Variants in AKAP19 observed in about 807,000 individuals in gnomAD.
AKAP19 encodes A-kinase anchoring protein 19, also known as small A-kinase anchoring protein.
chr2:190,163,865 A>G, the AKAP19 span: 2 of 152,188 alleles, frequency 1.3e-5, no homozygotes, highest in African/African-American at 4.8e-5. Flanking sequence ...ATGTACTCAT[A>G]TGTTTGCATT....
At chr2:190,078,436 G>A in the AKAP19 span, among the ~76,000 whole-genome samples, 1 of 152,028 alleles carries the variant, frequency 6.6e-6, no homozygotes, top group Non-Finnish European at 1.5e-5. Context: ...CAGAAGGGTG[G>A]AAATAAAGCA....
At chr2:190,038,974 C>CTTCTTCTTTT in the AKAP19 span, among the ~76,000 whole-genome samples, 1 of 126,140 alleles carries the variant, frequency 7.9e-6, no homozygotes, top group Non-Finnish European at 1.7e-5. Flanking sequence ...CTTCTTCTTT[C>CTTCTTCTTTT]TTCTTCTTCT....
chr2:190,200,019 G>T, the AKAP19 span: 4 of 1,614,040 alleles, frequency 2.5e-6, no homozygotes, highest in Non-Finnish European at 3.4e-6. Flanking sequence ...AACCTCCAGG[G>T]ACCAATACTG....
chr2:190,028,054 C>T, the AKAP19 span, among the ~76,000 whole-genome samples: 1 of 152,044 alleles, frequency 6.6e-6, no homozygotes, highest in Non-Finnish European at 1.5e-5. Flanking sequence ...ATTATATTCT[C>T]CTGCTCTCTG....
the AKAP19 span, among the ~76,000 whole-genome samples, chr2:189,931,324 G>A: frequency 6.6e-6 from 1 of 151,966 alleles, no homozygotes; most frequent in African/African-American, 2.4e-5. Flanking sequence ...TAATTGTACT[G>A]TGTATAGAAA....
At chr2:190,041,678 A>G in the AKAP19 span, among the ~76,000 whole-genome samples, 1 of 152,052 alleles carries the variant, frequency 6.6e-6, no homozygotes. Context: ...TATTATTTTG[A>G]GGTATGTTCC....
chr2:190,187,292 G>A, the AKAP19 span, among the ~76,000 whole-genome samples: 1 of 151,896 alleles, frequency 6.6e-6, no homozygotes, highest in Admixed American at 6.6e-5. Flanking sequence ...AAAGGCTTAA[G>A]AATATGACAT....
At chr2:190,076,279 C>T in the AKAP19 span, among the ~76,000 whole-genome samples, 1 of 152,108 alleles carries the variant, frequency 6.6e-6, no homozygotes, top group East Asian at 1.9e-4. Flanking sequence ...AGCAGCATTC[C>T]TGGCTCAACT....
the AKAP19 span, among the ~76,000 whole-genome samples, chr2:189,985,861 G>A: frequency 6.6e-6 from 1 of 152,064 alleles, no homozygotes; most frequent in Admixed American, 6.6e-5. Flanking sequence ...TACAAAAAAG[G>A]TACACATAAA....
the AKAP19 span, chr2:189,923,585 C>T: frequency 6.2e-7 from 1 of 1,614,074 alleles, no homozygotes. Context: ...AGATATTAAC[C>T]TGGCTGCAGA....
At chr2:190,125,014 G>A in the AKAP19 span, among the ~76,000 whole-genome samples, 1 of 152,174 alleles carries the variant, frequency 6.6e-6, no homozygotes, top group East Asian at 1.9e-4. Context: ...TTGAGGGGCA[G>A]TAACACACAT....
At chr2:189,908,597 T>G in the AKAP19 span, among the ~76,000 whole-genome samples, 1 of 152,232 alleles carries the variant, frequency 6.6e-6, no homozygotes, top group South Asian at 2.1e-4. Context: ...TGATTTCCTT[T>G]TGATTTCTTT....
chr2:190,052,195 C>G, the AKAP19 span, among the ~76,000 whole-genome samples: 1 of 152,116 alleles, frequency 6.6e-6, no homozygotes, highest in Admixed American at 6.5e-5. Flanking sequence ...ACCTGGTGTT[C>G]CCCAGTAGAA....
the AKAP19 span, among the ~76,000 whole-genome samples, chr2:189,983,299 C>T: frequency 6.6e-6 from 1 of 152,208 alleles, no homozygotes; most frequent in African/African-American, 2.4e-5. Context: ...CTTGTGGCAG[C>T]GCCTCTTTTC....
At chr2:189,995,739 G>A in the AKAP19 span, among the ~76,000 whole-genome samples, 3 of 151,934 alleles carry the variant, frequency 2.0e-5, no homozygotes, top group Non-Finnish European at 4.4e-5. Flanking sequence ...GTGCTTTAAG[G>A]AGGTTCTATT....
the AKAP19 span, among the ~76,000 whole-genome samples, chr2:190,136,524 A>G: frequency 2.1e-4 from 32 of 152,268 alleles, no homozygotes; most frequent in African/African-American, 7.2e-4. Context: ...TTTCTGGACA[A>G]CATAAGTAAA....
the AKAP19 span, among the ~76,000 whole-genome samples, chr2:190,044,607 G>T: frequency 2.0e-5 from 3 of 152,104 alleles, no homozygotes; most frequent in Non-Finnish European, 4.4e-5. Context: ...AGCTCTGGTG[G>T]GGGGTGACTG....
At chr2:190,202,182 C>T in the AKAP19 span, 1 of 167,022 alleles carries the variant, frequency 6.0e-6, no homozygotes, top group African/African-American at 2.4e-5. Flanking sequence ...AACTAGAAGT[C>T]TGATTTCTGT....
the AKAP19 span, among the ~76,000 whole-genome samples, chr2:190,193,415 T>C: frequency 1.4e-4 from 22 of 152,160 alleles, no homozygotes; most frequent in Admixed American, 1.4e-3. Context: ...TGGCCTCATA[T>C]AGAATAATTC....
Sources: gnomAD v4.1 joint callset for allele counts (sites outside exome capture counted in the v4.1 genomes callset) on GRCh38, gnomAD v4.1.1 for gene constraint, MANE v1.5 for transcripts, NCBI Gene and HGNC (gene_info 2026-07-23, HGNC 2026-07-21) for gene names.